Variants in TJP1 observed in about 807,000 individuals in gnomAD.
TJP1 encodes the protein tight junction protein ZO-1.
A neutral mutation model predicts 194.2 loss-of-function variants in TJP1; 43 were observed. The ratio of observed to expected loss-of-function variants is 0.22; its 90% CI spans 0.17 to 0.29. The LOEUF (loss-of-function observed/expected upper bound fraction) is 0.29. TJP1 is among the 10% of genes least tolerant of loss of function. The probability of loss-of-function intolerance (pLI) is 1.00; values close to 1 mark genes in which losing one functional copy is unlikely to be tolerated. For synonymous variants in TJP1, 801 were observed against 779.0 expected, an observed-to-expected ratio of 1.03 and a Z score of -0.47; for missense variants, 1,971 against 2,185.7, an observed-to-expected ratio of 0.90 and a Z score of 1.96.
At chr15:29,784,883 GAAAT>G (rs2047601202) in intron 2 of TJP1, among the ~76,000 whole-genome samples, 1 of 152,036 alleles carries the variant, frequency 6.6e-6, no homozygotes, top group Non-Finnish European at 1.5e-5. Context: ...TTAAAACAGA[GAAAT>G]AAATGATAGC....
chr15:29,759,266 A>C (rs2045845290), intron 8 of TJP1: 1 of 152,186 alleles, frequency 6.6e-6, no homozygotes, highest in South Asian at 2.1e-4. Flanking sequence ...ATGCAAGTTA[A>C]GTCTCAATTC....
chr15:29,880,213 C>A (rs2152130519), intron 2 of TJP1, among the ~76,000 whole-genome samples: 1 of 152,212 alleles, frequency 6.6e-6, no homozygotes, highest in East Asian at 1.9e-4. Flanking sequence ...AAAACTGAAG[C>A]TGTAATAACA....
intron 2 of TJP1, among the ~76,000 whole-genome samples, chr15:29,774,387 A>G (rs1173359434): frequency 6.6e-6 from 1 of 152,236 alleles, no homozygotes; most frequent in Non-Finnish European, 1.5e-5. Context: ...GAATGGATAA[A>G]ACGTGATATA....
intron 4 of TJP1, among the ~76,000 whole-genome samples, chr15:29,767,428 C>T (rs1222821312): frequency 3.9e-5 from 6 of 152,148 alleles, no homozygotes; most frequent in Non-Finnish European, 7.3e-5. Flanking sequence ...CATCTTAGTT[C>T]ATCAGTTCCA....
intron 2 of TJP1, among the ~76,000 whole-genome samples, chr15:29,889,728 A>G (rs1341287451): frequency 6.6e-6 from 1 of 152,198 alleles, no homozygotes; most frequent in Non-Finnish European, 1.5e-5. Context: ...GCCTCTCCTC[A>G]GTCCTCTCCC....
At chr15:29,789,233 T>A (rs576753822) in intron 2 of TJP1, among the ~76,000 whole-genome samples, 1 of 152,342 alleles carries the variant, frequency 6.6e-6, no homozygotes, top group South Asian at 2.1e-4. Flanking sequence ...GTGACTTTAT[T>A]CGACATGGTT....
At chr15:29,949,390 C>CACA (rs1227927012) in intron 2 of TJP1, among the ~76,000 whole-genome samples, 3 of 131,844 alleles carry the variant, frequency 2.3e-5, no homozygotes, top group Non-Finnish European at 5.0e-5. Context: ...CTACCTCCAC[C>CACA]ACCACCACCT....
intron 2 of TJP1, among the ~76,000 whole-genome samples, chr15:29,862,724 T>C (rs894103762): frequency 4.0e-5 from 6 of 149,474 alleles, no homozygotes; most frequent in Non-Finnish European, 8.9e-5. Flanking sequence ...CTTGGCTCAC[T>C]GCAAGCTTTG....
At chr15:29,826,744 C>A (rs993432271), upstream of TJP1, among the ~76,000 whole-genome samples, 7 of 152,198 alleles carry the variant, frequency 4.6e-5, no homozygotes, top group African/African-American at 1.7e-4. Context: ...ACAGTCAGGG[C>A]TCCCCAGGCT....
chr15:29,941,170 G>A lies in TJP1; in HGVS notation c.306+15062C>T, dbSNP rs191843736. On this transcript the variant is annotated intron_variant, in intron 2 of 28. Transcript: ENST00000356107. ...AATGACCTCCTACGACCGCAGGCAG[G>A]CCCACGCTGCCTTTGCCTTCCCCAC... 1.6e-3 allele frequency among the ~76,000 whole-genome samples: 241 copies of A among 152,232 alleles called. 1 individual carries two copies. Among genetic ancestry groups the A allele is most frequent in the Middle Eastern group, 3.4e-3 (1 of 294 alleles).
intron 2 of TJP1, among the ~76,000 whole-genome samples, chr15:29,889,506 G>A (rs942104991): frequency 5.9e-5 from 9 of 152,130 alleles, no homozygotes; most frequent in Middle Eastern, 6.4e-3. Context: ...AAATTGAAAA[G>A]GAAAAGAAAA....
intron 2 of TJP1, among the ~76,000 whole-genome samples, chr15:29,902,809 G>A (rs1199708785): frequency 6.6e-6 from 1 of 152,134 alleles, no homozygotes; most frequent in East Asian, 1.9e-4. Flanking sequence ...ACCACGGCGG[G>A]TGGATCACGA....
In TJP1 at chr15:29,701,306, T is replaced by C. The variant is rs963008349; in HGVS notation, c.*289A>G. The C allele has an allele frequency of 5.6e-5, 17 of 305,096 alleles. No individual in the cohort carries two copies. The highest frequency in any genetic ancestry group is 7.9e-5 in the Non-Finnish European group (13 of 163,872). 18.9% of individuals were successfully genotyped at this position (305,096 alleles called of 1,614,324 possible). ...GCTGGTATTTTAACGGAAATCAATA[T>C]GTGAAGTTAAGCAGTGACGATAAAA... On this transcript the variant is annotated 3_prime_UTR_variant, in exon 28 of 28. Transcript: ENST00000614355.
chr15:29,811,572 T>C (rs541705115), intron 1 of TJP1, among the ~76,000 whole-genome samples: 20 of 152,322 alleles, frequency 1.3e-4, no homozygotes, highest in African/African-American at 3.4e-4. Flanking sequence ...ACATCCAAAT[T>C]GAGCCAGGTA....
intron 8 of TJP1, among the ~76,000 whole-genome samples, chr15:29,753,537 A>G (rs1489423919): frequency 1.3e-5 from 2 of 151,314 alleles, no homozygotes; most frequent in African/African-American, 4.9e-5. Context: ...ATCGCCATAC[A>G]CTGATAACAT....
At chr15:29,960,264 T>C (rs985440338) in intron 1 of TJP1, among the ~76,000 whole-genome samples, 1 of 152,154 alleles carries the variant, frequency 6.6e-6, no homozygotes, top group Non-Finnish European at 1.5e-5. Flanking sequence ...GTTAACTCAA[T>C]GTAATACTAA....
At chr15:29,846,587 A>C (rs2051419411) in intron 2 of TJP1, among the ~76,000 whole-genome samples, 1 of 152,152 alleles carries the variant, frequency 6.6e-6, no homozygotes, top group Non-Finnish European at 1.5e-5. Flanking sequence ...AAATTGGAGC[A>C]GTGGAAATCT....
At chr15:29,826,120 G>T (rs2050666805), upstream of TJP1, among the ~76,000 whole-genome samples, 1 of 149,714 alleles carries the variant, frequency 6.7e-6, no homozygotes, top group South Asian at 2.1e-4. Flanking sequence ...CAAAAAGAAA[G>T]CTATTACCAA....
At position 29,728,816 on chromosome 15, in the gene TJP1, A is replaced by G. The variant is rs191796718; in HGVS notation, c.2018-797T>C. 3.9e-5 allele frequency: 6 copies of G among 152,362 alleles called. No homozygotes were observed. In the East Asian group the frequency reaches 7.7e-4, roughly 20 times the overall value. 9.4% of individuals were successfully genotyped at this position (152,362 alleles called of 1,614,324 possible). On this transcript the variant is annotated intron_variant, in intron 15 of 27. Transcript: ENST00000614355. ...AATGATTTTGGAGAATGAGACTACC[A>G]TAAGACAAAGCACCATGGGCAAGCA...
Sources: allele counts gnomAD v4.1 joint callset (sites outside exome capture counted in the v4.1 genomes callset), GRCh38; gene constraint gnomAD v4.1.1; transcripts MANE v1.5; gene names NCBI Gene and HGNC (gene_info 2026-07-23, HGNC 2026-07-21).